PAX5: variants seen among roughly 807,000 people sequenced by gnomAD.
PAX5 encodes the protein paired box protein Pax-5.
PAX5 carries 9 observed loss-of-function variants against 43.7 expected under a neutral mutation model. That is an observed-to-expected ratio of 0.21 (90% CI 0.12 to 0.36). The LOEUF is 0.36. PAX5 is among the 10% of genes least tolerant of loss of function. The pLI, the probability that PAX5 is intolerant of heterozygous loss-of-function variation, is 1.00. For missense variants in PAX5, 383 were observed against 532.7 expected (o/e 0.72, Z 2.77); for synonymous variants, 228 against 214.3 (o/e 1.06, Z -0.56).
chr9:36,902,322 A>T (rs996444483), intron 7 of PAX5, among the ~76,000 whole-genome samples: 1 of 152,226 alleles, frequency 6.6e-6, no homozygotes, highest in African/African-American at 2.4e-5. Context: ...AAAGTCATTC[A>T]TCATCATAAA....
intron 1 of PAX5, among the ~76,000 whole-genome samples, chr9:37,021,596 A>G (rs1211994143): frequency 7.2e-5 from 11 of 152,238 alleles, no homozygotes; most frequent in Admixed American, 6.5e-5. Context: ...AAAGAAACCT[A>G]CAAAAGCCTC....
chr9:36,844,113 C>G (rs1357862475), intron 9 of PAX5, among the ~76,000 whole-genome samples: 1 of 152,206 alleles, frequency 6.6e-6, no homozygotes, highest in Non-Finnish European at 1.5e-5. Flanking sequence ...CTGACAGATA[C>G]AGATAGTAAC....
chr9:36,995,075 G>A (rs1034728724), intron 5 of PAX5, among the ~76,000 whole-genome samples: 1 of 152,192 alleles, frequency 6.6e-6, no homozygotes, highest in East Asian at 1.9e-4. Context: ...CCAGGGAGGG[G>A]ACCTGCCCTT....
chr9:36,900,792 C>A (rs896130305), intron 7 of PAX5, among the ~76,000 whole-genome samples: 8 of 152,116 alleles, frequency 5.3e-5, no homozygotes, highest in African/African-American at 1.7e-4. Context: ...CAGTCCTGAC[C>A]CCGCCCCCAC....
intron 5 of PAX5, among the ~76,000 whole-genome samples, chr9:36,997,790 G>A (rs1007933734): frequency 2.0e-5 from 3 of 152,244 alleles, no homozygotes; most frequent in South Asian, 2.1e-4. Flanking sequence ...GGGCTGTGCC[G>A]AGAGGCTGCG....
At chr9:36,942,390 C>A (rs1832123674) in intron 6 of PAX5, among the ~76,000 whole-genome samples, 2 of 152,372 alleles carry the variant, frequency 1.3e-5, no homozygotes, top group South Asian at 4.1e-4. Context: ...ACTTGCTTCA[C>A]AGGCAAAATG....
chr9:36,913,568 A>G (rs981602687), intron 7 of PAX5, among the ~76,000 whole-genome samples: 3 of 152,240 alleles, frequency 2.0e-5, no homozygotes, highest in African/African-American at 7.2e-5. Flanking sequence ...CCCAATCAGG[A>G]CAGGCCCAAA....
chr9:36,951,070 T>G (rs1832968804), intron 6 of PAX5, among the ~76,000 whole-genome samples: 1 of 152,158 alleles, frequency 6.6e-6, no homozygotes, highest in African/African-American at 2.4e-5. Flanking sequence ...CAGTTCCACT[T>G]CCTCTACAAG....
At chr9:37,026,784 C>G in intron 1 of PAX5, 1 of 946,384 alleles carries the variant, frequency 1.1e-6, no homozygotes, top group East Asian at 1.2e-4. Flanking sequence ...TGCTAGCGCA[C>G]CCGGGCTAGG....
At chr9:37,012,263 C>T (rs1025579553) in intron 3 of PAX5, among the ~76,000 whole-genome samples, 1 of 152,168 alleles carries the variant, frequency 6.6e-6, no homozygotes, top group Non-Finnish European at 1.5e-5. Flanking sequence ...TTCTGTCACT[C>T]GCAGAGTCCT....
At chr9:37,030,403 G>A (rs2132564965) in intron 1 of PAX5, among the ~76,000 whole-genome samples, 1 of 152,316 alleles carries the variant, frequency 6.6e-6, no homozygotes, top group African/African-American at 2.4e-5. Flanking sequence ...AGTCCATGGT[G>A]GAGCCGGGCT....
chr9:36,904,126 A>G (rs3780148), intron 7 of PAX5, among the ~76,000 whole-genome samples: 54,529 of 151,864 alleles, frequency 0.36, 11,028 homozygotes, highest in Non-Finnish European at 0.47. Context: ...TAGACAAGCT[A>G]TTAATAAGTC....
At chr9:36,900,708 C>T (rs1416315937) in intron 7 of PAX5, among the ~76,000 whole-genome samples, 1 of 152,168 alleles carries the variant, frequency 6.6e-6, no homozygotes, top group Non-Finnish European at 1.5e-5. Flanking sequence ...TCCAGCTCTG[C>T]TCCTCCCCAT....
At chr9:36,864,492 C>T (rs1824607386) in intron 8 of PAX5, among the ~76,000 whole-genome samples, 1 of 152,204 alleles carries the variant, frequency 6.6e-6, no homozygotes, top group Admixed American at 6.5e-5. Flanking sequence ...AAAGGTTGTC[C>T]AGAGTCCTCA....
Position 36,837,901 on chromosome 9 carries a change from T to G in PAX5, c.*2659A>C, listed in dbSNP as rs1821753642. ...CTCAGGCAGCTGGTTCAGGGGAGGC[T>G]GACCTCCTCCCAACAGCCTGGAACC... On this transcript the variant is annotated 3_prime_UTR_variant, in exon 10 of 10. Transcript: ENST00000358127. 4.3e-6 allele frequency: 1 copy of G among 233,202 alleles called. No individual in the cohort carries two copies. The highest frequency in any genetic ancestry group is 1.8e-4 in the South Asian group (1 of 5,526). The allele number at this position is 233,202 out of a possible 1,614,324, so 14.4% of individuals were successfully genotyped here. A position where few individuals can be genotyped will look rare whatever the true frequency, so the allele number is the denominator to read the frequency against.
At chr9:36,870,507 T>C (rs1019795219) in intron 8 of PAX5, among the ~76,000 whole-genome samples, 2 of 152,252 alleles carry the variant, frequency 1.3e-5, no homozygotes, top group East Asian at 1.9e-4. Context: ...TTAAATGTAA[T>C]GAAATTTTTG....
At chr9:37,000,118 C>T (rs1041137465) in intron 5 of PAX5, among the ~76,000 whole-genome samples, 1 of 152,114 alleles carries the variant, frequency 6.6e-6, no homozygotes, top group Non-Finnish European at 1.5e-5. Flanking sequence ...GCCTCTTTAC[C>T]TCCCCCTAGG....
At chr9:36,970,910 A>G (rs1057201366) in intron 5 of PAX5, among the ~76,000 whole-genome samples, 3 of 152,162 alleles carry the variant, frequency 2.0e-5, no homozygotes, top group Non-Finnish European at 2.9e-5. Flanking sequence ...TTCGGGGTAA[A>G]GGTGGGAGGT....
At chr9:36,872,771 A>T (rs1035367997) in intron 8 of PAX5, among the ~76,000 whole-genome samples, 3 of 151,866 alleles carry the variant, frequency 2.0e-5, no homozygotes, top group Non-Finnish European at 4.4e-5. Flanking sequence ...TCGTCCCCCC[A>T]CCCTATGAGG....
Sources: gnomAD v4.1 joint callset for allele counts (sites outside exome capture counted in the v4.1 genomes callset) on GRCh38, gnomAD v4.1.1 for gene constraint, MANE v1.5 for transcripts, NCBI Gene and HGNC (gene_info 2026-07-23, HGNC 2026-07-21) for gene names.